The following CYP4A11 variants were observed in gnomAD, a reference collection of about 807,000 sequenced individuals.
The protein encoded by CYP4A11 is cytochrome P450 4A11.
A neutral mutation model predicts 57.7 loss-of-function variants in CYP4A11; 52 were observed. The ratio of observed to expected loss-of-function variants is 0.90; its 90% CI spans 0.72 to 1.14. The LOEUF (loss-of-function observed/expected upper bound fraction) is 1.14. Ranked by LOEUF, CYP4A11 falls within the 50% of genes most tolerant of loss-of-function variation. The pLI is 0.00. For missense variants in CYP4A11, 641 were observed against 642.1 expected (o/e 1.00, Z 0.02); for synonymous variants, 228 against 247.1 (o/e 0.92, Z 0.72).
In CYP4A11 at chr1:46,935,559, C is replaced by T. The variant is rs143503396; in HGVS notation, c.599G>A (p.Cys200Tyr). 2.1e-5 allele frequency: 34 copies of T among 1,613,872 alleles called. No homozygotes were observed. Among genetic ancestry groups the T allele is most frequent in the Non-Finnish European group, 2.8e-5 (33 of 1,179,880 alleles). The change falls in exon 5 of 12, where the codon TGT becomes TAT. Residue 200 changes from cysteine (C) to tyrosine (Y), a missense_variant. Transcript: ENST00000310638. ...GATGCTGCCCTGATGGCTGAAGGCA[C>T]ACTTCATGATGGTGTCCAGGGTCAT... ...SLMTLDTIMK[C>Y]AFSHQGSIQV...
intron 1 of CYP4A11, among the ~76,000 whole-genome samples, chr1:46,939,380 G>T (rs139462793): frequency 4.6e-5 from 7 of 152,134 alleles, no homozygotes; most frequent in African/African-American, 1.7e-4. Context: ...GTCTAGTTGG[G>T]GGGTAAGAAA....
At chr1:46,930,376 T>C (rs539408582) in intron 11 of CYP4A11, 66 bp from the exon 12 acceptor site, 3 of 1,539,476 alleles carry the variant, frequency 1.9e-6, no homozygotes, top group East Asian at 2.3e-5. Context: ...GAGCAGGTTT[T>C]GGCCCCTGAC....
In CYP4A11 at chr1:46,933,945, C is replaced by A. The variant is rs201413433; in HGVS notation, c.1222+1G>T. On this transcript the variant is annotated splice_donor_variant, in intron 9 of 11. Coordinates refer to ENST00000310638, the MANE Select transcript of CYP4A11 (RefSeq NM_000778.4). LOFTEE classifies it high-confidence loss of function. Reference sequence around the variant, plus strand: ...GGTGAGAGGGTGGGGGAACTTCATACCTTTGGGCAAGGAGCGCCCATCAGG... The same window carrying A: ...GGTGAGAGGGTGGGGGAACTTCATAACTTTGGGCAAGGAGCGCCCATCAGG... 2.1e-4 allele frequency: 346 copies of A among 1,614,046 alleles called. No individual in the cohort carries two copies. Among genetic ancestry groups the A allele is most frequent in the Non-Finnish European group, 2.9e-4 (338 of 1,180,022 alleles).
chr1:46,937,526 G>A (rs561253543), intron 2 of CYP4A11, among the ~76,000 whole-genome samples, 180 bp from the exon 3 acceptor site: 1 of 152,344 alleles, frequency 6.6e-6, no homozygotes, highest in Non-Finnish European at 1.5e-5. Context: ...GACAGACTCA[G>A]TGTTCCAGCA....
At chr1:46,936,184 A>G (rs1284675464) in intron 4 of CYP4A11, among the ~76,000 whole-genome samples, 2 of 152,226 alleles carry the variant, frequency 1.3e-5, no homozygotes, top group Non-Finnish European at 2.9e-5. Context: ...TATCTATGGA[A>G]GGTATTGCTC....
At chr1:46,939,026 C>T (rs909077669) in intron 1 of CYP4A11, among the ~76,000 whole-genome samples, 1 of 152,150 alleles carries the variant, frequency 6.6e-6, no homozygotes, top group African/African-American at 2.4e-5. Flanking sequence ...TGCCCTTCCC[C>T]TCTGCCACAG....
At chr1:46,936,921 C>A (rs1270693738) in intron 3 of CYP4A11, 130 bp from the exon 4 acceptor site, 2 of 1,429,096 alleles carry the variant, frequency 1.4e-6, no homozygotes, top group Non-Finnish European at 1.8e-6. Context: ...GGAGAACTAT[C>A]CAGAAGAAGC....
chr1:46,935,122 T>C lies in CYP4A11; in HGVS notation c.668A>G (p.Asp223Gly), dbSNP rs1248472770. ...ACGGGAAAAAACCAGGTTGTTCAGG[T>C]CACTAATGGCCTGTATGTAGGACTG... is the stretch of plus-strand genomic sequence containing the variant. ...NSQSYIQAISDLNNLVFSRVR... is the reference protein window; with the variant it reads ...NSQSYIQAISGLNNLVFSRVR... Residue 223 changes from aspartate to glycine, a missense_variant, in exon 6 of 12, where the codon GAC (aspartate) becomes GGC (glycine). Transcript: ENST00000310638. 4 of 1,613,996 alleles carry C rather than the reference T, an allele frequency of 2.5e-6. No individual in the cohort carries two copies. The highest frequency in any genetic ancestry group is 3.4e-6 in the Non-Finnish European group (4 of 1,180,028).
rs1000665662 is a variant in CYP4A11 at position 46,932,660 on chromosome 1, C to A, written c.1364+101G>T. 7 of 1,606,728 alleles carry A rather than the reference C, an allele frequency of 4.4e-6. No individual in the cohort carries two copies. In the Admixed American group the frequency reaches 5.0e-5, roughly 12 times the overall value. On this transcript the variant is annotated intron_variant, in intron 11 of 11. Coordinates refer to ENST00000310638, the MANE Select transcript of CYP4A11 (RefSeq NM_000778.4). ...ACAAATACCAACATTTAAGAGCACA[C>A]CTGAAGATGCCACATATGAACATCA...
chr1:46,939,100 A>T (rs1681595463), intron 1 of CYP4A11, among the ~76,000 whole-genome samples: 1 of 152,168 alleles, frequency 6.6e-6, no homozygotes, highest in South Asian at 2.1e-4. Flanking sequence ...GAACCCTCAA[A>T]GACATTGGGT....
At position 46,930,262 on chromosome 1, in the gene CYP4A11, C is replaced by G; in HGVS notation, c.1413G>C (p.Thr471=). 1 of 1,613,940 alleles carries G rather than the reference C, an allele frequency of 6.2e-7. No homozygotes were observed. The highest frequency in any genetic ancestry group is 8.5e-7 in the Non-Finnish European group (1 of 1,179,914). The stretch of plus-strand genomic sequence containing the variant: ...GCTCAAAGCGGAGCAGGGTCAGGGC[C>G]GTGGCCACCTTCAGCTCGTTCATGG... The part of the protein sequence containing the change: ...QFAMNELKVA[T]ALTLLRFELL... Residue 471 remains threonine, a synonymous_variant, in exon 12 of 12, where the codon ACG becomes ACC. Coordinates refer to ENST00000310638, the MANE Select transcript of CYP4A11 (RefSeq NM_000778.4).
In CYP4A11 at chr1:46,930,836, G is replaced by A. The variant is rs1680978766; in HGVS notation, c.1365-526C>T. On this transcript the variant is annotated intron_variant, in intron 11 of 11. Transcript: ENST00000310638. The stretch of plus-strand genomic sequence containing the variant: ...GGGAGGCTTCCTGGAGGAGAACTGG[G>A]TGGGTGATCCTCAGTGTTGCCCCAC... 2.0e-5 allele frequency among the ~76,000 whole-genome samples: 3 copies of A among 152,116 alleles called. No homozygotes were observed. In the South Asian group the frequency reaches 6.2e-4, roughly 32 times the overall value.
rs12140593 is a variant in CYP4A11, at chr1:46,937,258, A to C, written c.382+44T>G. On this transcript the variant is annotated intron_variant, in intron 3 of 11. Transcript: ENST00000310638. ...CTCTGTGAGCCAAATAAATAACTCA[A>C]ACCTGACTAGGGAGTGGGCTGCAGT... is the stretch of plus-strand genomic sequence containing the variant. The C allele has an allele frequency of 5.0e-6, 8 of 1,604,498 alleles. No individual in the cohort carries two copies. The East Asian group carries it at 1.8e-4, about 36-fold the overall frequency.
At chr1:46,932,367 G>T (rs955975823) in intron 11 of CYP4A11, 29 of 1,102,780 alleles carry the variant, frequency 2.6e-5, no homozygotes, top group Non-Finnish European at 2.7e-5. Flanking sequence ...AGGATGTGTG[G>T]GGGGAGAGAA....
intron 5 of CYP4A11, 61 bp downstream of exon 5, chr1:46,935,462 C>T (rs1681324753): frequency 1.3e-6 from 2 of 1,531,558 alleles, no homozygotes; most frequent in Non-Finnish European, 1.8e-6. Flanking sequence ...ACCTGCCCCT[C>T]AGGTATGTGC....
chr1:46,934,932 T>C, intron 6 of CYP4A11, 68 bp downstream of exon 6: 1 of 1,574,212 alleles, frequency 6.4e-7, no homozygotes, highest in South Asian at 1.2e-5. Flanking sequence ...CTTCTCTGGC[T>C]GAGGAGTCAG....
Position 46,930,126 on chromosome 1 carries a change from C to T in CYP4A11, c.1549G>A (p.Asp517Asn). 6.2e-7 allele frequency: 1 copy of T among 1,611,778 alleles called. No homozygotes were observed. The highest frequency in any genetic ancestry group is 8.5e-7 in the Non-Finnish European group (1 of 1,178,704). Residue 517 changes from aspartate (D) to asparagine (N), a missense_variant, in exon 12 of 12, where the codon GAC (aspartate) becomes AAC (asparagine). Coordinates refer to ENST00000310638, the MANE Select transcript of CYP4A11 (RefSeq NM_000778.4). ...RRLPNPCEDK[D>N]QL is the part of the protein sequence containing the mutation. ...GCAGGTGGAGGCCCTCAAAGCTGGT[C>T]CTTGTCTTCACAAGGGTTAGGGAGC...
intron 9 of CYP4A11, 66 bp downstream of exon 9, chr1:46,933,880 A>G: frequency 1.3e-6 from 2 of 1,594,792 alleles, no homozygotes; most frequent in Non-Finnish European, 1.7e-6. Flanking sequence ...TGATGCACAC[A>G]TGGATTTCTC....
rs754000044 is a variant in CYP4A11 at position 46,932,728 on chromosome 1, C to T, written c.1364+33G>A. The T allele has an allele frequency of 1.2e-5, 20 of 1,614,024 alleles. No individual in the cohort carries two copies. In the East Asian group the frequency reaches 1.6e-4, roughly 13 times the overall value. ...GGGTTGACCAGAGACTTCCCTCATT[C>T]CTCTATTCGAATTACCACACAGGAC... is the stretch of plus-strand genomic sequence containing the variant. On this transcript the variant is annotated intron_variant, in intron 11 of 11. Transcript: ENST00000310638.
Sources: allele counts gnomAD v4.1 joint callset (sites outside exome capture counted in the v4.1 genomes callset), GRCh38; gene constraint gnomAD v4.1.1; transcripts MANE v1.5; gene names NCBI Gene and HGNC (gene_info 2026-07-23, HGNC 2026-07-21).